PLEKHA8: variants seen among roughly 807,000 people sequenced by gnomAD.
PLEKHA8 encodes pleckstrin homology domain-containing family A member 8.
In PLEKHA8, 36 loss-of-function variants were observed where a neutral mutation model predicts 68.2. The observed-to-expected ratio is 0.53, with a 90% confidence interval of 0.40 to 0.70. PLEKHA8 has a LOEUF of 0.70. PLEKHA8 is among the 30% of genes least tolerant of loss of function. The pLI is 0.00. For missense variants in PLEKHA8, 505 were observed against 615.4 expected (o/e 0.82, Z 1.90); for synonymous variants, 211 against 216.1 (o/e 0.98, Z 0.20).
At chr7:30,059,780 A>G (rs573904764) in intron 9 of PLEKHA8, among the ~76,000 whole-genome samples, 5 of 152,020 alleles carry the variant, frequency 3.3e-5, no homozygotes, top group Non-Finnish European at 5.9e-5. Flanking sequence ...TTCAAACCAC[A>G]TATGTAATTT....
intron 13 of PLEKHA8, among the ~76,000 whole-genome samples, chr7:30,108,758 A>G (rs1796163161): frequency 1.3e-5 from 2 of 152,126 alleles, no homozygotes; most frequent in Admixed American, 1.3e-4. Flanking sequence ...AGAGAGAGAG[A>G]CTTCACCCAA....
chr7:30,056,707 TGACA>T (rs1323332597), intron 9 of PLEKHA8, among the ~76,000 whole-genome samples: 4 of 117,656 alleles, frequency 3.4e-5, no homozygotes, highest in Non-Finnish European at 6.5e-5. Flanking sequence ...CCAGCCTGGA[TGACA>T]GACAGCCTGT....
intron 1 of PLEKHA8, among the ~76,000 whole-genome samples, chr7:30,042,911 T>C (rs915181823): frequency 6.6e-6 from 1 of 152,200 alleles, no homozygotes; most frequent in African/African-American, 2.4e-5. Context: ...TGAGGATTGA[T>C]TTGGTTTTCC....
intron 4 of PLEKHA8, 105 bp from the exon 5 acceptor site, chr7:30,049,118 TG>T: frequency 7.7e-7 from 1 of 1,304,470 alleles, no homozygotes; most frequent in Non-Finnish European, 1.1e-6. Flanking sequence ...TTTCAGCAGG[TG>T]GGTACATTAT....
intron 6 of PLEKHA8, among the ~76,000 whole-genome samples, chr7:30,051,860 C>T (rs1792434702): frequency 6.6e-6 from 1 of 152,148 alleles, no homozygotes; most frequent in East Asian, 1.9e-4. Flanking sequence ...GTAATCCCAG[C>T]TACTCAGGAG....
intron 12 of PLEKHA8, among the ~76,000 whole-genome samples, chr7:30,070,952 A>G (rs1794196032): frequency 6.6e-6 from 1 of 152,196 alleles, no homozygotes; most frequent in Non-Finnish European, 1.5e-5. Flanking sequence ...AGAAGTGTGA[A>G]TTTCAACTTG....
intron 3 of PLEKHA8, among the ~76,000 whole-genome samples, chr7:30,046,927 G>A (rs1178876382): frequency 6.6e-6 from 1 of 152,162 alleles, no homozygotes; most frequent in Non-Finnish European, 1.5e-5. Context: ...GTTCTCCAGA[G>A]AACTGTGGCC....
chr7:30,094,275 C>CTTTTTTTTTTTTTTTT (rs764501216), downstream of PLEKHA8, among the ~76,000 whole-genome samples: 1 of 138,262 alleles, frequency 7.2e-6, no homozygotes, highest in African/African-American at 2.6e-5. Flanking sequence ...CAAGTTTCTA[C>CTTTTTTTTTTTTTTTT]TTTTTTTTTT....
intron 6 of PLEKHA8, 108 bp from the exon 7 acceptor site, chr7:30,052,601 C>T (rs1417263752): frequency 5.4e-6 from 5 of 928,976 alleles, no homozygotes; most frequent in Non-Finnish European, 7.6e-6. Context: ...GATTGTGCCA[C>T]TGTACTGCAG....
chr7:30,028,809 G>A lies in PLEKHA8; in HGVS notation c.40+7G>A. 1.6e-6 allele frequency: 2 copies of A among 1,264,714 alleles called. No homozygotes were observed. The highest frequency in any genetic ancestry group is 1.5e-5 in the African/African-American group (1 of 64,974). 78.3% of individuals were successfully genotyped at this position (1,264,714 alleles called of 1,614,324 possible). Reference sequence around the variant, plus strand: ...TGGACCAACTATCTGAGCGGTGAGTGGCCGTGCCGGGCCGGGGGCGCGCCG... The same window carrying A: ...TGGACCAACTATCTGAGCGGTGAGTAGCCGTGCCGGGCCGGGGGCGCGCCG... On this transcript the variant is annotated splice_region_variant and intron_variant, in intron 1 of 13. Coordinates refer to ENST00000449726, the MANE Select transcript of PLEKHA8 (RefSeq NM_001197026.2).
chr7:30,128,091 ATT>A lies in PLEKHA8; in HGVS notation c.1363-1156_1363-1155del, dbSNP rs35173428. On this transcript the variant is annotated intron_variant, in intron 13 of 13. Coordinates refer to the PLEKHA8 transcript ENST00000396257. ...ACAGCATATAGATGAGTTTTACTGT[ATT>A]TTTTTTTTTTTTTTTTTTACTTATT... Among the ~76,000 whole-genome samples the A allele has an allele frequency of 4.9e-3, 605 of 122,676 alleles. 3 individuals are homozygous for A. The highest frequency in any genetic ancestry group is 0.029 in the Admixed American group (358 of 12,530). 80.5% of individuals were successfully genotyped at this position (122,676 alleles called of 152,430 possible). A position where few individuals can be genotyped will look rare whatever the true frequency, so the allele number is the denominator to read the frequency against.
At position 30,109,776 on chromosome 7, in the gene PLEKHA8, A is replaced by G. The variant is rs190811130; in HGVS notation, c.1363-19490A>G. ...AACCTTCGCCTCCCGGGCTCAAGCA[A>G]TCCTTTCATCTTAGCCTTCCAAGTA... On this transcript the variant is annotated intron_variant, in intron 13 of 13. Transcript: ENST00000396257. Among the ~76,000 whole-genome samples, 179 of 151,252 alleles carry G rather than the reference A, an allele frequency of 1.2e-3. 1 individual carries two copies. The highest frequency in any genetic ancestry group is 4.2e-3 in the African/African-American group (173 of 41,190).
intron 13 of PLEKHA8, chr7:30,129,119 A>G: frequency 9.1e-7 from 1 of 1,096,394 alleles, no homozygotes; most frequent in South Asian, 1.4e-5. Flanking sequence ...CTTCCTTAGC[A>G]ATAAGATTCT....
At chr7:30,061,694 C>G (rs1046564049) in intron 10 of PLEKHA8, among the ~76,000 whole-genome samples, 24 of 152,056 alleles carry the variant, frequency 1.6e-4, no homozygotes, top group East Asian at 1.9e-4. Flanking sequence ...AACTTTAAAC[C>G]CTGAGACTAT....
At chr7:30,062,175 A>G in intron 11 of PLEKHA8, 148 bp downstream of exon 11, 1 of 899,424 alleles carries the variant, frequency 1.1e-6, no homozygotes. Flanking sequence ...GAATAATACC[A>G]CCTTATTTTT....
rs151162245 is a variant in PLEKHA8, at chr7:30,103,374, A to T, written c.1363-25892A>T. On this transcript the variant is annotated intron_variant, in intron 13 of 13. Transcript: ENST00000396257. ...GTATGAATTGTGTGATATGTGAATTATATCTCAATAAAGTTGTTCTAAAAA... is the reference window on the plus strand; with the variant it reads ...GTATGAATTGTGTGATATGTGAATTTTATCTCAATAAAGTTGTTCTAAAAA... Among the ~76,000 whole-genome samples the T allele has an allele frequency of 2.8e-3, 426 of 152,390 alleles. 1 individual carries two copies. Among genetic ancestry groups the T allele is most frequent in the African/African-American group, 9.1e-3 (378 of 41,590 alleles).
Position 30,102,956 on chromosome 7 carries a change from G to A in PLEKHA8, c.1363-26310G>A, listed in dbSNP as rs531129472. ...GTGGCGGCTCATGCCTGTAGTCCCA[G>A]CTATTCAGGAGGCTGAGGCAGAGGA... On this transcript the variant is annotated intron_variant, in intron 13 of 13. Coordinates refer to the PLEKHA8 transcript ENST00000396257. 4.3e-4 allele frequency among the ~76,000 whole-genome samples: 65 copies of A among 152,332 alleles called. 1 individual carries two copies. In the South Asian group the frequency reaches 0.013, roughly 30 times the overall value.
At chr7:30,074,876 T>G (rs1184521305) in intron 13 of PLEKHA8, among the ~76,000 whole-genome samples, 1 of 152,216 alleles carries the variant, frequency 6.6e-6, no homozygotes, top group Non-Finnish European at 1.5e-5. Context: ...CCTGAGACTC[T>G]TAGTCTCCTG....
chr7:30,030,702 T>C (rs531335661), intron 1 of PLEKHA8, among the ~76,000 whole-genome samples: 20 of 152,206 alleles, frequency 1.3e-4, no homozygotes, highest in Non-Finnish European at 2.6e-4. Context: ...TTTCCAGATA[T>C]ACATAGAATG....
Sources: gnomAD v4.1 joint callset for allele counts (sites outside exome capture counted in the v4.1 genomes callset) on GRCh38, gnomAD v4.1.1 for gene constraint, MANE v1.5 for transcripts, NCBI Gene and HGNC (gene_info 2026-07-23, HGNC 2026-07-21) for gene names.